CNKSR2: variants seen among roughly 807,000 people sequenced by gnomAD.
CNKSR2 encodes the protein CNK homolog protein 2.
Under a neutral mutation model 84.4 loss-of-function variants are expected in CNKSR2, and 14 were observed. That is an observed-to-expected ratio of 0.17 (90% confidence interval 0.11 to 0.26). The LOEUF (loss-of-function observed/expected upper bound fraction) is 0.26. Ranked by LOEUF, CNKSR2 falls within the 10% of genes least tolerant of loss-of-function variation. CNKSR2 has a pLI of 1.00. For missense variants in CNKSR2, 485 were observed against 771.2 expected (o/e 0.63, Z 4.40); for synonymous variants, 275 against 277.9 (o/e 0.99, Z 0.10).
Position 21,653,512 on chromosome X carries a change from A to T in CNKSR2, c.*991A>T, listed in dbSNP as rs1443603570. ...TTAGGTAATTATACTTCAGGTAGGG[A>T]AGTACAATATGTTTAGTTTCAGGCT... On this transcript the variant is annotated 3_prime_UTR_variant, in exon 22 of 22. Transcript: ENST00000379510. 1 of 110,339 alleles carries T rather than the reference A, an allele frequency of 9.1e-6. No individual in the cohort carries two copies. The highest frequency in any genetic ancestry group is 1.9e-5 in the Non-Finnish European group (1 of 52,902). The allele number at this position is 110,339 out of a possible 1,213,427, so 9.1% of individuals were successfully genotyped here.
chrX:21,492,846 T>C (rs2091456320), intron 6 of CNKSR2: 1 of 112,450 alleles, frequency 8.9e-6, no homozygotes, highest in African/African-American at 3.2e-5. Flanking sequence ...TAAGTAAGTT[T>C]AGTCAGTCAC....
chrX:21,448,893 TA>T (rs1176371436), intron 4 of CNKSR2, among the ~76,000 whole-genome samples: 1 of 111,377 alleles, frequency 9.0e-6, no homozygotes, highest in African/African-American at 3.3e-5. Context: ...CTAACACAAG[TA>T]AAATAATGGA....
At chrX:21,626,978 T>C (rs1181954219) in intron 20 of CNKSR2, among the ~76,000 whole-genome samples, 1 of 111,474 alleles carries the variant, frequency 9.0e-6, no homozygotes, top group Non-Finnish European at 1.9e-5. Flanking sequence ...GAGGAAACTA[T>C]ATTCAGGGAA....
intron 11 of CNKSR2, among the ~76,000 whole-genome samples, chrX:21,558,341 A>G (rs2092157211): frequency 9.0e-6 from 1 of 111,459 alleles, no homozygotes; most frequent in African/African-American, 3.2e-5. Flanking sequence ...TATAAGCAAC[A>G]TTATTTGTTC....
intron 4 of CNKSR2, among the ~76,000 whole-genome samples, chrX:21,458,849 CAT>C (rs889717396): frequency 1.0e-4 from 11 of 110,200 alleles, no homozygotes; most frequent in Non-Finnish European, 1.7e-4. Context: ...AAAGTAAAAA[CAT>C]GTGGTATTTG....
chrX:21,635,484 A>G (rs187663606), intron 20 of CNKSR2, among the ~76,000 whole-genome samples: 58 of 104,774 alleles, frequency 5.5e-4, no homozygotes, highest in African/African-American at 2.0e-3. Flanking sequence ...ATATAAATAT[A>G]TGTATATGTG....
Position 21,412,034 on chromosome X carries a change from C to A in CNKSR2, c.65-14463C>A, listed in dbSNP as rs140862897. 9.3e-3 allele frequency among the ~76,000 whole-genome samples: 1,043 copies of A among 111,716 alleles called. 11 individuals carry two copies. The highest frequency in any genetic ancestry group is 0.031 in the African/African-American group (955 of 30,816). The stretch of plus-strand genomic sequence containing the variant: ...TACTAGGGACAGGAAGGGAAGCATT[C>A]CTTAGGAAAATCATATAGAAGTCTG... On this transcript the variant is annotated intron_variant, in intron 1 of 21. Transcript: ENST00000379510.
intron 13 of CNKSR2, among the ~76,000 whole-genome samples, chrX:21,567,795 G>GGTT (rs1165907858): frequency 6.9e-3 from 624 of 90,137 alleles, no homozygotes; most frequent in African/African-American, 0.024. Flanking sequence ...GTTTTTGTGT[G>GGTT]GTGTGTGTGT....
intron 3 of CNKSR2, among the ~76,000 whole-genome samples, chrX:21,440,116 G>C (rs1299275604): frequency 9.0e-6 from 1 of 111,537 alleles, no homozygotes; most frequent in Non-Finnish European, 1.9e-5. Context: ...CCATTTACTA[G>C]TTGTGTGACC....
At chrX:21,429,232 G>A (rs1390236866) in intron 2 of CNKSR2, 1 of 112,145 alleles carries the variant, frequency 8.9e-6, no homozygotes, top group Non-Finnish European at 1.9e-5. Flanking sequence ...TCTGGCACAT[G>A]GTAATGGCCA....
rs759351281 is a variant in CNKSR2 at position 21,609,162 on chromosome X, G to A, written c.2237G>A (p.Arg746His). The change falls in exon 20 of 22, where the codon CGC becomes CAC. Residue 746 changes from arginine to histidine, a missense_variant. Around this residue, in one of 5 missense-constraint regions of CNKSR2, gnomAD observed 210 missense variants for 291.5 expected, o/e 0.72. Transcript: ENST00000379510. Reference sequence around the variant, plus strand: ...TCTCAGTCTTCTCATGAGGAGTTTCGCCAGGAAGTAACTGGGAGCAGTGCA... The same window carrying A: ...TCTCAGTCTTCTCATGAGGAGTTTCACCAGGAAGTAACTGGGAGCAGTGCA... ...SQSQSSHEEF[R>H]QEVTGSSAVS... The A allele has an allele frequency of 9.9e-6, 12 of 1,209,420 alleles. No homozygotes were observed. In the South Asian group the frequency reaches 1.1e-4, roughly 11 times the overall value.
chrX:21,623,680 G>C (rs1259795622), intron 20 of CNKSR2, among the ~76,000 whole-genome samples: 1 of 111,294 alleles, frequency 9.0e-6, no homozygotes, highest in African/African-American at 3.3e-5. Flanking sequence ...GAGCTTATAC[G>C]TATTAAACAA....
chrX:21,579,283 A>G (rs1328100648), intron 13 of CNKSR2, among the ~76,000 whole-genome samples: 3 of 112,129 alleles, frequency 2.7e-5, no homozygotes, highest in Admixed American at 1.9e-4. Flanking sequence ...TTGATGCAAT[A>G]GGAAACTACC....
intron 7 of CNKSR2, among the ~76,000 whole-genome samples, chrX:21,499,659 G>A (rs1467698554): frequency 9.1e-6 from 1 of 110,206 alleles, no homozygotes; most frequent in African/African-American, 3.3e-5. Context: ...AAATATTTAA[G>A]TATTTTTGGT....
chrX:21,398,603 C>T (rs1218367838), intron 1 of CNKSR2, among the ~76,000 whole-genome samples: 1 of 111,897 alleles, frequency 8.9e-6, no homozygotes, highest in African/African-American at 3.3e-5. Context: ...GTGTGGTCAC[C>T]TCAGGACAGC....
chrX:21,488,238 A>T (rs888541047), intron 5 of CNKSR2, among the ~76,000 whole-genome samples: 2 of 111,964 alleles, frequency 1.8e-5, no homozygotes, highest in Non-Finnish European at 3.8e-5. Context: ...GGATTTCAGT[A>T]TTTTAAGGGT....
intron 1 of CNKSR2, among the ~76,000 whole-genome samples, chrX:21,396,169 T>G (rs1390087137): frequency 3.6e-5 from 4 of 111,614 alleles, no homozygotes. Flanking sequence ...CTTCTCTGCC[T>G]GCCCCTTGGT....
chrX:21,599,339 G>GGTGTGTGTGT (rs34829122), intron 17 of CNKSR2, among the ~76,000 whole-genome samples: 18 of 82,686 alleles, frequency 2.2e-4, no homozygotes, highest in East Asian at 7.8e-4. Context: ...TTTTTGTTTT[G>GGTGTGTGTGT]GTGTGTGTGT....
chrX:21,590,489 C>G, intron 13 of CNKSR2, 83 bp from the exon 14 acceptor site: 1 of 900,595 alleles, frequency 1.1e-6, no homozygotes, highest in East Asian at 3.2e-5. Context: ...CATCATTTAG[C>G]TCTTGAGAGT....
Sources: gnomAD v4.1 joint callset for allele counts (sites outside exome capture counted in the v4.1 genomes callset) on GRCh38, gnomAD v4.1.1 for gene constraint, gnomAD v4.1.1 regional missense constraint, MANE v1.5 for transcripts, NCBI Gene and HGNC (gene_info 2026-07-23, HGNC 2026-07-21) for gene names.